The following MTMR8 variants were observed in gnomAD, a reference collection of about 807,000 sequenced individuals.
The protein encoded by MTMR8 is myotubularin related protein 8.
Under a neutral mutation model 39.3 loss-of-function variants are expected in MTMR8, and 65 were observed. That is an observed-to-expected ratio of 1.65 (90% CI 1.35 to 2.03). The LOEUF (loss-of-function observed/expected upper bound fraction) is 2.03. Among genes scored for constraint, MTMR8 ranks in the 30% most tolerant of loss-of-function variants. The pLI is 0.00. For synonymous variants in MTMR8, 245 were observed against 185.2 expected (o/e 1.32, Z -2.62); for missense variants, 777 against 538.9 (o/e 1.44, Z -4.37).
chrX:64,318,003 C>T (rs1189351325), intron 12 of MTMR8, among the ~76,000 whole-genome samples: 3 of 112,308 alleles, frequency 2.7e-5, no homozygotes, highest in Non-Finnish European at 5.6e-5. Context: ...CCCATGTGAC[C>T]TCCAATGACA....
chrX:64,392,636 G>A (rs1473400992), intron 1 of MTMR8, among the ~76,000 whole-genome samples: 2 of 110,684 alleles, frequency 1.8e-5, no homozygotes, highest in South Asian at 3.8e-4. Flanking sequence ...AGTAGCGGTT[G>A]CACAGGTGTG....
intron 12 of MTMR8, among the ~76,000 whole-genome samples, chrX:64,282,943 T>A (rs1267299595): frequency 2.7e-5 from 3 of 111,809 alleles, no homozygotes; most frequent in Non-Finnish European, 3.8e-5. Context: ...ACTGAGGTAC[T>A]GGGTTCATCT....
At chrX:64,296,093 A>T (rs1243152800) in intron 12 of MTMR8, among the ~76,000 whole-genome samples, 3 of 112,200 alleles carry the variant, frequency 2.7e-5, no homozygotes, top group African/African-American at 6.5e-5. Flanking sequence ...AAAATGTGCT[A>T]TATCCATACA....
At chrX:64,328,158 G>A (rs1462533759) in intron 12 of MTMR8, among the ~76,000 whole-genome samples, 1 of 111,760 alleles carries the variant, frequency 8.9e-6, no homozygotes, top group Non-Finnish European at 1.9e-5. Flanking sequence ...CAGGACACCA[G>A]TGCCTCTTTT....
chrX:64,278,130 A>G (rs776672154), intron 12 of MTMR8, among the ~76,000 whole-genome samples: 18 of 107,940 alleles, frequency 1.7e-4, no homozygotes, highest in Non-Finnish European at 3.1e-4. Flanking sequence ...CAATTCCTCT[A>G]ACTTTTTTTC....
chrX:64,304,867 T>C lies in MTMR8; in HGVS notation c.1481+23905A>G, dbSNP rs1217982651. Among the ~76,000 whole-genome samples, 18 of 34,738 alleles carry C rather than the reference T, an allele frequency of 5.2e-4. 1 individual carries two copies. The African/African-American group carries it at 0.018, about 35-fold the overall frequency. 30.2% of individuals were successfully genotyped at this position (34,738 alleles called of 115,157 possible). On this transcript the variant is annotated intron_variant, in intron 12 of 13. Transcript: ENST00000374852. ...GCTTGATGGATCAAACATTTATATA[T>C]ATATATATATATATATATATATATA...
intron 12 of MTMR8, 24 bp from the exon 13 acceptor site, chrX:64,271,097 A>G (rs369285774): frequency 3.5e-4 from 415 of 1,170,641 alleles, no homozygotes; most frequent in East Asian, 9.2e-5. Flanking sequence ...AAATGGGGGG[A>G]AAAGTGGGTT....
chrX:64,284,134 C>A (rs776815251), intron 12 of MTMR8, among the ~76,000 whole-genome samples: 9 of 111,852 alleles, frequency 8.0e-5, no homozygotes, highest in Middle Eastern at 4.6e-3. Flanking sequence ...CTTAAATGAC[C>A]AGATGGAGCT....
Position 64,270,927 on chromosome X carries a change from T to C in MTMR8, c.1608+20A>G. 8.3e-7 allele frequency: 1 copy of C among 1,206,017 alleles called. No homozygotes were observed. Among genetic ancestry groups the C allele is most frequent in the Non-Finnish European group, 1.1e-6 (1 of 893,009 alleles). On this transcript the variant is annotated intron_variant, in intron 13 of 13. Transcript: ENST00000374852. ...CCCAGAAGGGGCAAGAAGATCTCTC[T>C]TTGGGACTTTTCTCCTCACCTTTTC...
chrX:64,367,082 C>G (rs1439009494), intron 1 of MTMR8, among the ~76,000 whole-genome samples: 1 of 111,624 alleles, frequency 9.0e-6, no homozygotes, highest in Non-Finnish European at 1.9e-5. Context: ...TCTGAATAGA[C>G]CAATAACAAG....
At chrX:64,282,892 A>T (rs1359543972) in intron 12 of MTMR8, among the ~76,000 whole-genome samples, 1 of 111,654 alleles carries the variant, frequency 9.0e-6, no homozygotes, top group Non-Finnish European at 1.9e-5. Flanking sequence ...TACAGCTCCC[A>T]GCGTGAGTGA....
At chrX:64,392,333 G>C (rs1190361331) in intron 1 of MTMR8, among the ~76,000 whole-genome samples, 2 of 112,046 alleles carry the variant, frequency 1.8e-5, no homozygotes, top group African/African-American at 6.5e-5. Context: ...AATCACATGT[G>C]GCATGTTAAC....
intron 1 of MTMR8, among the ~76,000 whole-genome samples, chrX:64,382,869 G>C (rs747953606): frequency 2.7e-5 from 3 of 111,229 alleles, no homozygotes; most frequent in African/African-American, 9.8e-5. Context: ...CTGATTATTT[G>C]GTCCCACCCC....
intron 13 of MTMR8, among the ~76,000 whole-genome samples, chrX:64,270,639 T>C (rs1032585778): frequency 3.4e-4 from 38 of 112,266 alleles, no homozygotes; most frequent in African/African-American, 1.2e-3. Flanking sequence ...ATTCTCTTGA[T>C]GGATAACAAA....
chrX:64,270,909 G>C (rs1379014617), intron 13 of MTMR8, 38 bp downstream of exon 13: 1 of 1,194,548 alleles, frequency 8.4e-7, no homozygotes, highest in African/African-American at 1.8e-5. Context: ...CTACCCAGAA[G>C]GGGCAAGAAG....
At chrX:64,361,631 C>A (rs1413926840) in intron 1 of MTMR8, among the ~76,000 whole-genome samples, 2 of 110,791 alleles carry the variant, frequency 1.8e-5, no homozygotes, top group Non-Finnish European at 3.8e-5. Flanking sequence ...TAGCTTAATT[C>A]TATTTATAAT....
rs141311349 is a variant in MTMR8 at position 64,356,295 on chromosome X, G to A, written c.191C>T (p.Thr64Ile). 1.3e-4 allele frequency: 161 copies of A among 1,206,798 alleles called. No homozygotes were observed. The highest frequency in any genetic ancestry group is 1.7e-4 in the Non-Finnish European group (154 of 893,882). Residue 64 changes from threonine to isoleucine, a missense_variant, in exon 3 of 14, where the codon ACT becomes ATT. By Grantham distance (89) the Thr-to-Ile change is moderately conservative. Transcript: ENST00000374852. ...GAGGGTCAGGGGACAACCCAGGCTA[G>A]TGATGGGTAACTTCTCCACAGTGGC... Reference protein sequence around the residue: ...HIATVEKLPITSLGCPLTLRC... With the variant: ...HIATVEKLPIISLGCPLTLRC...
At chrX:64,300,834 GA>G (rs1921837776) in intron 12 of MTMR8, among the ~76,000 whole-genome samples, 1 of 108,112 alleles carries the variant, frequency 9.2e-6, no homozygotes, top group Admixed American at 1.0e-4. Context: ...CTTCACTTAT[GA>G]AGCTTAGTTT....
chrX:64,322,814 C>A (rs1013770587), intron 12 of MTMR8, among the ~76,000 whole-genome samples: 1 of 112,800 alleles, frequency 8.9e-6, no homozygotes, highest in Non-Finnish European at 1.9e-5. Context: ...CTCTGTCTTG[C>A]ACATTCAGGT....
Sources: gnomAD v4.1 joint callset for allele counts (sites outside exome capture counted in the v4.1 genomes callset) on GRCh38, gnomAD v4.1.1 for gene constraint, MANE v1.5 for transcripts, NCBI Gene and HGNC (gene_info 2026-07-23, HGNC 2026-07-21) for gene names.